YAP1: variants seen among roughly 807,000 people sequenced by gnomAD.
YAP1 encodes the protein transcriptional coactivator YAP1.
A neutral mutation model predicts 56.9 loss-of-function variants in YAP1; 5 were observed. That is an observed-to-expected ratio of 0.09 (90% CI 0.05 to 0.18). YAP1 has a LOEUF of 0.18. Among genes scored for constraint, YAP1 ranks in the 10% least tolerant of loss-of-function variants. The probability of loss-of-function intolerance (pLI) is 1.00; values close to 1 mark genes in which losing one functional copy is unlikely to be tolerated. For missense variants in YAP1, 539 were observed against 651.8 expected (o/e 0.83, Z 1.88); for synonymous variants, 265 against 248.1 (o/e 1.07, Z -0.64).
At chr11:102,113,390 C>T (rs1943084742) in intron 1 of YAP1, among the ~76,000 whole-genome samples, 1 of 152,196 alleles carries the variant, frequency 6.6e-6, no homozygotes, top group African/African-American at 2.4e-5. Context: ...CAGTGTCACA[C>T]TAGCCAACTT....
chr11:102,163,228 A>G (rs1039666603), intron 3 of YAP1, among the ~76,000 whole-genome samples: 1 of 152,182 alleles, frequency 6.6e-6, no homozygotes, highest in Non-Finnish European at 1.5e-5. Flanking sequence ...TCTCATCTAC[A>G]TAATGGGGAG....
intron 2 of YAP1, among the ~76,000 whole-genome samples, chr11:102,153,049 C>T (rs1357006620): frequency 6.6e-6 from 1 of 152,234 alleles, no homozygotes; most frequent in African/African-American, 2.4e-5. Flanking sequence ...ACGTAGTGAT[C>T]TACGGCTGAA....
In YAP1 at chr11:102,140,844, C is replaced by CA. The variant is rs549151762; in HGVS notation, c.573-21601dup. 4.7e-3 allele frequency among the ~76,000 whole-genome samples: 668 copies of CA among 143,128 alleles called. 1 individual carries two copies. Among genetic ancestry groups the CA allele is most frequent in the East Asian group, 0.012 (61 of 4,958 alleles). The allele number at this position is 143,128 out of a possible 152,430, so 93.9% of individuals were successfully genotyped here. The stretch of plus-strand genomic sequence containing the variant: ...GGCAATAGAGTGAGATTCCATTTCC[C>CA]AAAAAAAAAAAGACATCTTAATCCC... On this transcript the variant is annotated intron_variant, in intron 2 of 8. Coordinates refer to ENST00000282441, the MANE Select transcript of YAP1 (RefSeq NM_001130145.3).
Position 102,230,821 on chromosome 11 carries a change from T to C in YAP1, c.*881T>C, listed in dbSNP as rs1024797915. 2.0e-5 allele frequency: 3 copies of C among 152,396 alleles called. No homozygotes were observed. The highest frequency in any genetic ancestry group is 2.9e-5 in the Non-Finnish European group (2 of 68,040). 9.4% of individuals were successfully genotyped at this position (152,396 alleles called of 1,614,324 possible). On this transcript the variant is annotated 3_prime_UTR_variant, in exon 9 of 9. Coordinates refer to ENST00000282441, the MANE Select transcript of YAP1 (RefSeq NM_001130145.3). ...GTAAAATCTTCATTTCCTGGTTTTT[T>C]TTACCACCTTATTTAAATCTCGATT...
At chr11:102,143,282 T>TG (rs1454174268) in intron 2 of YAP1, among the ~76,000 whole-genome samples, 1 of 152,198 alleles carries the variant, frequency 6.6e-6, no homozygotes, top group Non-Finnish European at 1.5e-5. Context: ...CTGGGGCACT[T>TG]GCTATGTTCC....
chr11:102,185,083 C>A (rs771107748), intron 3 of YAP1, among the ~76,000 whole-genome samples: 1 of 152,128 alleles, frequency 6.6e-6, no homozygotes, highest in Non-Finnish European at 1.5e-5. Flanking sequence ...AGATTTTAGC[C>A]ATGTACTGAC....
chr11:102,164,586 T>C (rs1428804485), intron 3 of YAP1, among the ~76,000 whole-genome samples: 3 of 152,242 alleles, frequency 2.0e-5, no homozygotes, highest in Non-Finnish European at 4.4e-5. Context: ...CAAGGTTGAT[T>C]GTAATTCTTT....
At chr11:102,161,062 T>TC (rs1565215281) in intron 2 of YAP1, among the ~76,000 whole-genome samples, 2 of 132,186 alleles carry the variant, frequency 1.5e-5, no homozygotes, top group South Asian at 5.1e-4. Flanking sequence ...TCTTTTTTTT[T>TC]TTTTTTTTTT....
chr11:102,142,007 A>G (rs1945052239), intron 2 of YAP1, among the ~76,000 whole-genome samples: 3 of 152,220 alleles, frequency 2.0e-5, no homozygotes, highest in Admixed American at 2.0e-4. Context: ...TCTCAAGTCT[A>G]TATATATTTT....
At chr11:102,179,280 G>A (rs1042776244) in intron 3 of YAP1, among the ~76,000 whole-genome samples, 11 of 152,196 alleles carry the variant, frequency 7.2e-5, no homozygotes, top group African/African-American at 2.4e-4. Context: ...GCCTTGAAAA[G>A]CTTCCACATC....
At chr11:102,186,813 AATGTGTGT>A (rs1327317525) in intron 4 of YAP1, 8 of 47,080 alleles carry the variant, frequency 1.7e-4, no homozygotes, top group African/African-American at 3.9e-4. Context: ...CTTTTTAAAA[AATGTGTGT>A]GTGTGTGTGT....
At chr11:102,157,180 A>G (rs933652709) in intron 2 of YAP1, among the ~76,000 whole-genome samples, 1 of 152,246 alleles carries the variant, frequency 6.6e-6, no homozygotes, top group Non-Finnish European at 1.5e-5. Flanking sequence ...TCATAGAGGC[A>G]AAATGTTTAC....
rs897750898 is a variant in YAP1 at position 102,194,577 on chromosome 11, GTAAA to G, written c.802+8452_802+8455del. On this transcript the variant is annotated intron_variant, in intron 4 of 8. Transcript: ENST00000282441. ...TTGGGAGGAACAAGCTACTAAACAA[GTAAA>G]TAAATCATTACAAATGTATTAAGTA... is the stretch of plus-strand genomic sequence containing the variant. Among the ~76,000 whole-genome samples, 155 of 152,298 alleles carry G rather than the reference GTAAA, an allele frequency of 1.0e-3. 1 individual carries two copies. The highest frequency in any genetic ancestry group is 6.8e-3 in the Middle Eastern group (2 of 294).
rs115304266 is a variant in YAP1 at position 102,133,236 on chromosome 11, C to T, written c.572+18842C>T. 2.2e-3 allele frequency among the ~76,000 whole-genome samples: 338 copies of T among 152,214 alleles called. 2 individuals are homozygous for T. Among genetic ancestry groups the T allele is most frequent in the African/African-American group, 7.9e-3 (327 of 41,534 alleles). ...TTTTACTTAAAAAGATTTTTAAACT[C>T]GACAATTCTTACTAAGCTCTAGGAT... On this transcript the variant is annotated intron_variant, in intron 2 of 8. Coordinates refer to ENST00000282441, the MANE Select transcript of YAP1 (RefSeq NM_001130145.3).
At chr11:102,139,420 C>G (rs1294131705) in intron 2 of YAP1, among the ~76,000 whole-genome samples, 10 of 152,158 alleles carry the variant, frequency 6.6e-5, no homozygotes, top group Admixed American at 6.5e-4. Flanking sequence ...AAGCCCCCAT[C>G]CTGCAGTCTG....
chr11:102,160,997 G>A (rs1001931834), intron 2 of YAP1, among the ~76,000 whole-genome samples: 26 of 147,204 alleles, frequency 1.8e-4, no homozygotes, highest in African/African-American at 6.3e-4. Context: ...CCTACTCACT[G>A]TACTCTCACT....
At chr11:102,126,368 A>G (rs528518508) in intron 2 of YAP1, among the ~76,000 whole-genome samples, 1 of 152,166 alleles carries the variant, frequency 6.6e-6, no homozygotes, top group Non-Finnish European at 1.5e-5. Flanking sequence ...CAGAATTCCT[A>G]CATGTTGTGG....
intron 3 of YAP1, among the ~76,000 whole-genome samples, chr11:102,183,973 A>T (rs1190259572): frequency 5.4e-5 from 8 of 148,004 alleles, no homozygotes; most frequent in Non-Finnish European, 9.0e-5. Flanking sequence ...GCTACTTGGG[A>T]GGCGGAGGCA....
chr11:102,153,074 G>A (rs1397248222), intron 2 of YAP1, among the ~76,000 whole-genome samples: 1 of 152,210 alleles, frequency 6.6e-6, no homozygotes, highest in Admixed American at 6.5e-5. Flanking sequence ...CCTTTCAGGT[G>A]TGAAGTGTTT....
Sources: allele counts gnomAD v4.1 joint callset (sites outside exome capture counted in the v4.1 genomes callset), GRCh38; gene constraint gnomAD v4.1.1; transcripts MANE v1.5; gene names NCBI Gene and HGNC (gene_info 2026-07-23, HGNC 2026-07-21).